Variants in ENTR1 observed in about 807,000 individuals in gnomAD.
ENTR1 encodes endosome-associated-trafficking regulator 1.
In ENTR1, 47 loss-of-function variants were observed where a neutral mutation model predicts 47.9. The ratio of observed to expected loss-of-function variants is 0.98; its 90% CI spans 0.78 to 1.25. The LOEUF (loss-of-function observed/expected upper bound fraction) is 1.25, where lower values mean the gene tolerates loss of function less well. Ranked by LOEUF, ENTR1 falls within the 50% of genes most tolerant of loss-of-function variation. The pLI is 0.00. For missense variants in ENTR1, 668 were observed against 570.5 expected (o/e 1.17, Z -1.74); for synonymous variants, 290 against 245.8 (o/e 1.18, Z -1.68).
Position 136,410,490 on chromosome 9 carries a change from C to T in ENTR1, c.-93G>A. The T allele has an allele frequency of 1.0e-6, 1 of 953,308 alleles. No individual in the cohort carries two copies. The highest frequency in any genetic ancestry group is 1.3e-6 in the Non-Finnish European group (1 of 788,074). 59.1% of individuals were successfully genotyped at this position (953,308 alleles called of 1,614,324 possible). ...CCGTGCCGCGGCCCGCGTCGCCCGC[C>T]CCCGTCGCCCGCCCCCGTCGCCCGC... is the stretch of plus-strand genomic sequence containing the variant. On this transcript the variant is annotated 5_prime_UTR_variant, in exon 1 of 10. Transcript: ENST00000357365.
chr9:136,408,746 C>T lies in ENTR1; in HGVS notation c.289+253G>A, dbSNP rs73566906. Among the ~76,000 whole-genome samples, 10,591 of 152,220 alleles carry T rather than the reference C, an allele frequency of 0.07. 1,259 individuals are homozygous for T. Among genetic ancestry groups the T allele is most frequent in the African/African-American group, 0.24 (9,837 of 41,480 alleles). On this transcript the variant is annotated intron_variant, in intron 3 of 9. Transcript: ENST00000357365. Reference sequence around the variant, plus strand: ...CTCCGGGGACTTAAGCAGCCACACTCGACCCTCCCAGCTGTGAGCCCCATG... The same window carrying T: ...CTCCGGGGACTTAAGCAGCCACACTTGACCCTCCCAGCTGTGAGCCCCATG...
In ENTR1 at chr9:136,404,055, T is replaced by C. The variant is rs746214466; in HGVS notation, c.1208A>G (p.Lys403Arg). ...TTCCCGGTGCCTCCCAGGCACTCAC[T>C]TGATGGAAGCCTGTGCACTGTTCAT... ...VVMNSAQASI[K>R]QLVSGAETLN... The change falls in exon 9 of 10, where the codon AAG becomes AGG. Residue 403 changes from lysine to arginine, a missense_variant and splice_region_variant. Coordinates refer to ENST00000357365, the MANE Select transcript of ENTR1 (RefSeq NM_001039707.2). The C allele has an allele frequency of 8.2e-5, 129 of 1,579,624 alleles. 1 individual carries two copies. Among genetic ancestry groups the C allele is most frequent in the South Asian group, 7.9e-4 (70 of 88,550 alleles).
chr9:136,407,497 C>T lies in ENTR1; in HGVS notation c.467G>A (p.Gly156Asp), dbSNP rs751263658. 3 of 1,609,070 alleles carry T rather than the reference C, an allele frequency of 1.9e-6. No homozygotes were observed. Among genetic ancestry groups the T allele is most frequent in the Admixed American group, 3.3e-5 (2 of 59,746 alleles). The change falls in exon 5 of 10, where the codon GGC (glycine) becomes GAC (aspartate). Residue 156 changes from glycine to aspartate, a missense_variant. Coordinates refer to ENST00000357365, the MANE Select transcript of ENTR1 (RefSeq NM_001039707.2). ...NSPPSQTGGY[G>D]LEYQQPFFED... ...GAAAAATGGCTGCTGATACTCCAGG[C>T]CATACCCGCCGGTTTGGGAGGGTGG...
Position 136,407,750 on chromosome 9 carries a change from A to G in ENTR1, c.402+76T>C, listed in dbSNP as rs77647324. On this transcript the variant is annotated intron_variant, in intron 4 of 9. Coordinates refer to ENST00000357365, the MANE Select transcript of ENTR1 (RefSeq NM_001039707.2). ...GCCTGCTCTGCCACACTCATGCACG[A>G]TTCCTCCAAAGGAGGCTGCAGAGGC... 3.6e-3 allele frequency: 5,057 copies of G among 1,392,214 alleles called. 329 individuals carry two copies. In the East Asian group the frequency reaches 0.11, roughly 30 times the overall value. 86.2% of individuals were successfully genotyped at this position (1,392,214 alleles called of 1,614,324 possible).
chr9:136,409,969 T>C, intron 2 of ENTR1, 121 bp downstream of exon 2: 1 of 1,242,688 alleles, frequency 8.0e-7, no homozygotes, highest in Non-Finnish European at 1.2e-6. Flanking sequence ...TCCGAGTGCC[T>C]GGCACGCAGT....
In ENTR1 at chr9:136,410,069, GC is replaced by G; in HGVS notation, c.220+20del. ...CGCGGGAACTGGAAGCGTCCCCGGGGCCGGCGCCCTCGTCTCTCACCTGTGT... is the reference window on the plus strand; with the variant it reads ...CGCGGGAACTGGAAGCGTCCCCGGGGCGGCGCCCTCGTCTCTCACCTGTGT... On this transcript the variant is annotated intron_variant, in intron 2 of 9. Transcript: ENST00000357365. 6.2e-7 allele frequency: 1 copy of G among 1,612,500 alleles called. No individual in the cohort carries two copies. Among genetic ancestry groups the G allele is most frequent in the Non-Finnish European group, 8.5e-7 (1 of 1,179,798 alleles).
In ENTR1 at chr9:136,403,463, C is replaced by CG. The variant is rs368700402; in HGVS notation, c.1209-577dup. Among the ~76,000 whole-genome samples the CG allele has an allele frequency of 1.1e-3, 46 of 42,562 alleles. 1 individual carries two copies. The highest frequency in any genetic ancestry group is 1.5e-3 in the African/African-American group (17 of 11,702). The allele number at this position is 42,562 out of a possible 152,430, so 27.9% of individuals were successfully genotyped here. A position where few individuals can be genotyped will look rare whatever the true frequency, so the allele number is the denominator to read the frequency against. On this transcript the variant is annotated intron_variant, in intron 9 of 9. Coordinates refer to ENST00000357365, the MANE Select transcript of ENTR1 (RefSeq NM_001039707.2). ...CCTGGGAGCAAGGGGTGGGGTTTGC[C>CG]GGGGGAAGAAAGGGACAGGGTTCCT...
At chr9:136,402,959 A>C in intron 9 of ENTR1, 72 bp from the exon 10 acceptor site, 1 of 342,262 alleles carries the variant, frequency 2.9e-6, no homozygotes, top group African/African-American at 4.0e-5. Context: ...GGGGGGAGAA[A>C]GGGGAGGGGT....
At chr9:136,407,747 A>G in intron 4 of ENTR1, 79 bp downstream of exon 4, 1 of 1,396,234 alleles carries the variant, frequency 7.2e-7, no homozygotes, top group Non-Finnish European at 1.0e-6. Context: ...ACACTCATGC[A>G]CGATTCCTCC....
intron 4 of ENTR1, 104 bp from the exon 5 acceptor site, chr9:136,407,665 C>G: frequency 6.8e-7 from 1 of 1,462,064 alleles, no homozygotes; most frequent in African/African-American, 1.4e-5. Context: ...GGCCCAATCT[C>G]TCTACCGGAA....
Position 136,402,039 on chromosome 9 carries a change from G to C in ENTR1, c.*749C>G, listed in dbSNP as rs1346148880. ...AAAAAAGCATTTAGTGCTCATCGCCGTCCCTCTGAGGGGGGCCGTCAGAAA... is the reference window on the plus strand; with the variant it reads ...AAAAAAGCATTTAGTGCTCATCGCCCTCCCTCTGAGGGGGGCCGTCAGAAA... On this transcript the variant is annotated 3_prime_UTR_variant, in exon 10 of 10. Coordinates refer to ENST00000357365, the MANE Select transcript of ENTR1 (RefSeq NM_001039707.2). The C allele has an allele frequency of 6.6e-6, 1 of 152,626 alleles. No individual in the cohort carries two copies. Among genetic ancestry groups the C allele is most frequent in the African/African-American group, 2.4e-5 (1 of 41,446 alleles). The allele number at this position is 152,626 out of a possible 1,614,324, so 9.5% of individuals were successfully genotyped here.
intron 2 of ENTR1, among the ~76,000 whole-genome samples, chr9:136,409,628 C>T (rs371444533): frequency 1.2e-4 from 18 of 152,092 alleles, no homozygotes; most frequent in African/African-American, 4.3e-4. Flanking sequence ...GTCCTCTTGT[C>T]TTGTGACAAC....
In ENTR1 at chr9:136,407,379, C is replaced by T. The variant is rs546735081; in HGVS notation, c.585G>A (p.Gln195=). 3.7e-6 allele frequency: 6 copies of T among 1,607,252 alleles called. No individual in the cohort carries two copies. In the African/African-American group the frequency reaches 6.7e-5, roughly 18 times the overall value. The change falls in exon 5 of 10, where the codon CAG becomes CAA. Residue 195 remains glutamine, a synonymous_variant. Coordinates refer to ENST00000357365, the MANE Select transcript of ENTR1 (RefSeq NM_001039707.2). The part of the protein sequence containing the change: ...SGAYLPSAIE[Q]THPERVPAGT... Reference sequence around the variant, plus strand: ...CGGCAGGGACCCTCTCGGGGTGAGTCTGCTCGATGGCGGACGGCAGGTAGG... The same window carrying T: ...CGGCAGGGACCCTCTCGGGGTGAGTTTGCTCGATGGCGGACGGCAGGTAGG...
intron 9 of ENTR1, among the ~76,000 whole-genome samples, 195 bp from the exon 10 acceptor site, chr9:136,403,082 T>TG (rs1834568255): frequency 1.4e-4 from 1 of 7,322 alleles, no homozygotes; most frequent in South Asian, 5.9e-3. Flanking sequence ...CCACAGGGGG[T>TG]GGGGGGCAGA....
chr9:136,410,601 T>C lies in ENTR1; in HGVS notation c.-204A>G. On this transcript the variant is annotated 5_prime_UTR_variant, in exon 1 of 10. Transcript: ENST00000357365. ...GCGCGTGCCTGAACGCCTTGGGCCG[T>C]CGGCGAGGGGGAGGGGAAGCCGTGG... is the stretch of plus-strand genomic sequence containing the variant. 1 of 1,280,746 alleles carries C rather than the reference T, an allele frequency of 7.8e-7. No homozygotes were observed. The highest frequency in any genetic ancestry group is 9.9e-7 in the Non-Finnish European group (1 of 1,007,306). The allele number at this position is 1,280,746 out of a possible 1,614,324, so 79.3% of individuals were successfully genotyped here. A position where few individuals can be genotyped will look rare whatever the true frequency, so the allele number is the denominator to read the frequency against.
intron 3 of ENTR1, 170 bp from the exon 4 acceptor site, chr9:136,408,108 G>C: frequency 1.7e-6 from 1 of 597,358 alleles, no homozygotes; most frequent in Non-Finnish European, 3.0e-6. Flanking sequence ...GGCTGAAGGT[G>C]GGCAGTGACA....
intron 8 of ENTR1, 89 bp downstream of exon 8, chr9:136,404,542 C>T (rs1388529285): frequency 4.3e-6 from 6 of 1,409,586 alleles, no homozygotes; most frequent in Non-Finnish European, 6.0e-6. Context: ...AGGGGAAACC[C>T]CAGCAGAGTC....
At chr9:136,410,032 T>C (rs1835010245) in intron 2 of ENTR1, 58 bp downstream of exon 2, 3 of 1,594,278 alleles carry the variant, frequency 1.9e-6, no homozygotes, top group Non-Finnish European at 2.6e-6. Context: ...GCAGCGGAGG[T>C]GCCACACGTG....
At chr9:136,404,596 C>T (rs779864694) in intron 8 of ENTR1, 35 bp downstream of exon 8, 3 of 1,603,988 alleles carry the variant, frequency 1.9e-6, no homozygotes, top group South Asian at 2.2e-5. Context: ...CTCCACAAAT[C>T]AAAGAAAAAC....
Sources: allele counts gnomAD v4.1 joint callset (sites outside exome capture counted in the v4.1 genomes callset), GRCh38; gene constraint gnomAD v4.1.1; transcripts MANE v1.5; gene names NCBI Gene and HGNC (gene_info 2026-07-23, HGNC 2026-07-21).